The following SPARCL1 variants were observed in gnomAD, a reference collection of about 807,000 sequenced individuals.
SPARCL1 encodes the protein SPARC-like protein 1.
Under a neutral mutation model 67.1 loss-of-function variants are expected in SPARCL1, and 52 were observed. The ratio of observed to expected loss-of-function variants is 0.78; its 90% CI spans 0.62 to 0.98. The LOEUF is 0.98. Among genes scored for constraint, SPARCL1 ranks in the 50% least tolerant of loss-of-function variants. SPARCL1 has a pLI of 0.00. For synonymous variants in SPARCL1, 226 were observed against 267.8 expected, an observed-to-expected ratio of 0.84 and a Z score of 1.52; for missense variants, 717 against 782.4, an observed-to-expected ratio of 0.92 and a Z score of 1.00.
At chr4:87,517,359 C>A (rs1033533029) in intron 1 of SPARCL1, among the ~76,000 whole-genome samples, 1 of 152,146 alleles carries the variant, frequency 6.6e-6, no homozygotes, top group African/African-American at 2.4e-5. Context: ...GCTTCACAAA[C>A]CCTGAATCTG....
At chr4:87,480,816 G>A (rs1000994422) in intron 8 of SPARCL1, among the ~76,000 whole-genome samples, 4 of 132,452 alleles carry the variant, frequency 3.0e-5, no homozygotes, top group Admixed American at 7.2e-5. Flanking sequence ...AGTAATGTTC[G>A]CTGCTTTTTT....
At chr4:87,473,931 G>A in intron 10 of SPARCL1, 128 bp from the exon 11 acceptor site, 1 of 614,260 alleles carries the variant, frequency 1.6e-6, no homozygotes, top group Non-Finnish European at 2.9e-6. Flanking sequence ...CTCAACTTTG[G>A]TAGGACAGCA....
rs929834950 is a variant in SPARCL1, at chr4:87,514,061, G to T, written c.-11-14476C>A. Among the ~76,000 whole-genome samples the T allele has an allele frequency of 1.2e-4, 19 of 152,246 alleles. No homozygotes were observed. In the East Asian group the frequency reaches 2.5e-3, roughly 20 times the overall value. Reference sequence around the variant, plus strand: ...ACACAAAAACTAGCTGGGCGTGGTGGCATGAGCCTGTAATCCCAGCTACTT... The same window carrying T: ...ACACAAAAACTAGCTGGGCGTGGTGTCATGAGCCTGTAATCCCAGCTACTT... On this transcript the variant is annotated intron_variant, in intron 1 of 10. Coordinates refer to ENST00000282470, the MANE Select transcript of SPARCL1 (RefSeq NM_004684.6).
intron 6 of SPARCL1, 47 bp downstream of exon 6, chr4:87,490,713 C>T (rs372337679): frequency 8.1e-7 from 1 of 1,239,086 alleles, no homozygotes; most frequent in Admixed American, 2.2e-5. Flanking sequence ...TTATTTCAGT[C>T]ACTAACCTTT....
At chr4:87,510,029 T>G (rs1725282527) in intron 1 of SPARCL1, among the ~76,000 whole-genome samples, 1 of 152,220 alleles carries the variant, frequency 6.6e-6, no homozygotes, top group East Asian at 1.9e-4. Flanking sequence ...ATTTCAAGAC[T>G]TTTTTGAGTT....
In SPARCL1 at chr4:87,494,229, G is replaced by A; in HGVS notation, c.571C>T (p.Gln191Ter). ...HSQGLRDQGN[Q>*]EQDPNISNGE... ...TTGGAAATATTTGGATCCTGCTCTTGGTTTCCTTGATCCCTTAGGCCTTGG... is the reference window on the plus strand; with the variant it reads ...TTGGAAATATTTGGATCCTGCTCTTAGTTTCCTTGATCCCTTAGGCCTTGG... The change falls in exon 4 of 11, where the codon CAA (glutamine) becomes TAA (stop). Residue 191 changes from glutamine to a stop codon, truncating the protein, a stop_gained. Transcript: ENST00000282470. LOFTEE classifies it high-confidence loss of function. The A allele has an allele frequency of 6.2e-7, 1 of 1,613,900 alleles. No homozygotes were observed. The highest frequency in any genetic ancestry group is 8.5e-7 in the Non-Finnish European group (1 of 1,179,988).
Position 87,490,281 on chromosome 4 carries a change from G to C in SPARCL1, c.1523C>G (p.Ala508Gly). The stretch of plus-strand genomic sequence containing the variant: ...GAGGGACATAATCTTACATTTGCAG[G>C]CTCCAAAATAATCCAGCTGGAGTTG... The part of the protein sequence containing the change: ...GHQLQLDYFG[A>G]CKSIPTCTDF... Residue 508 changes from alanine to glycine, a missense_variant, in exon 7 of 11, where the codon GCC (alanine) becomes GGC (glycine). Physicochemically the swap from Ala to Gly is moderately conservative, Grantham distance 60 (BLOSUM62 0). Coordinates refer to ENST00000282470, the MANE Select transcript of SPARCL1 (RefSeq NM_004684.6). 1 of 1,609,422 alleles carries C rather than the reference G, an allele frequency of 6.2e-7. No homozygotes were observed. The highest frequency in any genetic ancestry group is 1.1e-5 in the South Asian group (1 of 89,974).
Position 87,482,572 on chromosome 4 carries a change from A to G in SPARCL1, c.1532-12T>C. On this transcript the variant is annotated splice_polypyrimidine_tract_variant and intron_variant, in intron 7 of 10. Coordinates refer to ENST00000282470, the MANE Select transcript of SPARCL1 (RefSeq NM_004684.6). ...ACAAGTAGGAATAGCTGTTACAAGC[A>G]GAAAATGTACTGTAATCTTTGGGCT... 6.2e-7 allele frequency: 1 copy of G among 1,613,868 alleles called. No individual in the cohort carries two copies. Among genetic ancestry groups the G allele is most frequent in the South Asian group, 1.1e-5 (1 of 91,072 alleles).
Position 87,482,507 on chromosome 4 carries a change from C to G in SPARCL1, c.1585G>C (p.Asp529His), listed in dbSNP as rs1031290366. 3 of 1,613,898 alleles carry G rather than the reference C, an allele frequency of 1.9e-6. No homozygotes were observed. Among genetic ancestry groups the G allele is most frequent in the Non-Finnish European group, 2.5e-6 (3 of 1,179,940 alleles). Residue 529 changes from aspartate to histidine, a missense_variant, in exon 8 of 11, where the codon GAC becomes CAC. Transcript: ENST00000282470. Reference protein sequence around the residue: ...EVIQFPLRMRDWLKNILMQLY... With the variant: ...EVIQFPLRMRHWLKNILMQLY... ...TGCATGAGGATATTCTTGAGCCAGT[C>G]TCTCATCCGTAGAGGAAACTGAATC...
At chr4:87,474,764 A>T (rs1213879403) in intron 10 of SPARCL1, among the ~76,000 whole-genome samples, 2 of 72,638 alleles carry the variant, frequency 2.8e-5, no homozygotes, top group Non-Finnish European at 5.4e-5. Flanking sequence ...TTTTTTTGAG[A>T]CGGAGTCTCG....
Position 87,473,783 on chromosome 4 carries a change from A to G in SPARCL1, c.1987T>C (p.Leu663=), listed in dbSNP as rs374108869. ...TTCTTTAAAATCTTCGTTCAAAACA[A>G]GAGATTTTCATCTATGTCCTCTATA... is the stretch of plus-strand genomic sequence containing the variant. ...IKEEDIDENL[L]F The change falls in exon 11 of 11, where the codon TTG becomes CTG. Residue 663 remains leucine, a synonymous_variant. Transcript: ENST00000282470. The G allele has an allele frequency of 7.8e-5, 125 of 1,609,916 alleles. 1 individual carries two copies. Among genetic ancestry groups the G allele is most frequent in the Middle Eastern group, 6.7e-4 (4 of 5,996 alleles).
At chr4:87,475,719 T>C (rs1483345924) in intron 10 of SPARCL1, among the ~76,000 whole-genome samples, 1 of 152,110 alleles carries the variant, frequency 6.6e-6, no homozygotes, top group African/African-American at 2.4e-5. Context: ...AGAATGGCTG[T>C]AATTAAAAAG....
chr4:87,480,221 G>A (rs145533545), intron 9 of SPARCL1, 151 bp downstream of exon 9: 2 of 503,688 alleles, frequency 4.0e-6, no homozygotes, highest in African/African-American at 4.0e-5. Flanking sequence ...ATACACAGCA[G>A]CTTTGTGTTT....
intron 10 of SPARCL1, among the ~76,000 whole-genome samples, chr4:87,478,537 A>G (rs952932155): frequency 1.3e-5 from 2 of 151,434 alleles, no homozygotes; most frequent in Non-Finnish European, 2.9e-5. Flanking sequence ...TCCCGGGTTC[A>G]AGCAATTCTC....
At position 87,523,230 on chromosome 4, in the gene SPARCL1, C is replaced by T. The variant is rs140824063; in HGVS notation, c.-12+5815G>A. On this transcript the variant is annotated intron_variant, in intron 1 of 10. Transcript: ENST00000282470. ...GACCCAAGGTCACACCACTGCACTC[C>T]AGCCTGGGTGACAGAATGAGACTCT... 7.3e-3 allele frequency among the ~76,000 whole-genome samples: 1,084 copies of T among 148,564 alleles called. 4 individuals carry two copies. The highest frequency in any genetic ancestry group is 0.012 in the Non-Finnish European group (835 of 67,696).
At position 87,511,967 on chromosome 4, in the gene SPARCL1, C is replaced by CTTTTTTTTTTTTTTTT. The variant is rs3037337; in HGVS notation, c.-11-12383_-11-12382insAAAAAAAAAAAAAAAA. 9.9e-5 allele frequency among the ~76,000 whole-genome samples: 12 copies of CTTTTTTTTTTTTTTTT among 121,564 alleles called. 1 individual carries two copies. The highest frequency in any genetic ancestry group is 3.5e-4 in the Admixed American group (4 of 11,366). The allele number at this position is 121,564 out of a possible 152,430, so 79.8% of individuals were successfully genotyped here. A position where few individuals can be genotyped will look rare whatever the true frequency, so the allele number is the denominator to read the frequency against. ...TTCCTTTCCTTTCCTCTTTCTTTCT[C>CTTTTTTTTTTTTTTTT]TTTTTTTTTTTTTTTGAGACAGAGT... is the stretch of plus-strand genomic sequence containing the variant. On this transcript the variant is annotated intron_variant, in intron 1 of 10. Coordinates refer to ENST00000282470, the MANE Select transcript of SPARCL1 (RefSeq NM_004684.6).
chr4:87,494,980 C>T lies in SPARCL1; in HGVS notation c.201+1G>A, dbSNP rs1313421996. On this transcript the variant is annotated splice_donor_variant, in intron 3 of 10. Transcript: ENST00000282470. LOFTEE classifies it high-confidence loss of function. ...ATTAATATAAATGATGTTACTTTTA[C>T]CTTATGGTGGGAATCGTCTTCTGTG... The T allele has an allele frequency of 6.3e-7, 1 of 1,597,692 alleles. No homozygotes were observed.
In SPARCL1 at chr4:87,493,795, A is replaced by G; in HGVS notation, c.1005T>C (p.His335=). The G allele has an allele frequency of 1.2e-6, 2 of 1,613,974 alleles. No individual in the cohort carries two copies. The highest frequency in any genetic ancestry group is 8.5e-7 in the Non-Finnish European group (1 of 1,179,976). The change falls in exon 4 of 11, where the codon CAT becomes CAC. Residue 335 remains histidine (H), a synonymous_variant. Transcript: ENST00000282470. ...CATCATCGCCATCATCATCAACTCCATGATTTCTGGGCGTGGTATTACCAT... is the reference window on the plus strand; with the variant it reads ...CATCATCGCCATCATCATCAACTCCGTGATTTCTGGGCGTGGTATTACCAT... The part of the protein sequence containing the change: ...TDDGNTTPRN[H]GVDDDGDDDG...
intron 8 of SPARCL1, among the ~76,000 whole-genome samples, chr4:87,481,053 A>G (rs973209216): frequency 4.6e-5 from 7 of 152,124 alleles, no homozygotes; most frequent in African/African-American, 1.7e-4. Context: ...GCTCTCTGTG[A>G]CAAGGTATTC....
Sources: gnomAD v4.1 joint callset for allele counts (sites outside exome capture counted in the v4.1 genomes callset) on GRCh38, gnomAD v4.1.1 for gene constraint, MANE v1.5 for transcripts, NCBI Gene and HGNC (gene_info 2026-07-23, HGNC 2026-07-21) for gene names.